The following CAMK1D variants were observed in gnomAD, a reference collection of about 807,000 sequenced individuals.
CAMK1D encodes the protein calcium/calmodulin dependent protein kinase ID, also known as calcium/calmodulin-dependent protein kinase type 1D.
Under a neutral mutation model 47.7 loss-of-function variants are expected in CAMK1D, and 9 were observed. The observed-to-expected ratio is 0.19, with a 90% CI of 0.11 to 0.33. CAMK1D has a LOEUF of 0.33. Among genes scored for constraint, CAMK1D ranks in the 10% least tolerant of loss-of-function variants. CAMK1D has a pLI of 1.00. For missense variants in CAMK1D, 291 were observed against 488.7 expected (o/e 0.60, Z 3.81); for synonymous variants, 184 against 184.9 (o/e 0.99, Z 0.04).
At chr10:12,757,364 A>G (rs949377743) in intron 3 of CAMK1D, among the ~76,000 whole-genome samples, 2 of 152,048 alleles carry the variant, frequency 1.3e-5, no homozygotes, top group African/African-American at 4.8e-5. Context: ...CTTCATTCTG[A>G]TGCTTTGCAT....
intron 2 of CAMK1D, among the ~76,000 whole-genome samples, chr10:12,570,595 G>T (rs1432517771): frequency 6.8e-6 from 1 of 147,868 alleles, no homozygotes; most frequent in Admixed American, 6.8e-5. Context: ...CAGGAGAATC[G>T]CTTGAACCCA....
intron 1 of CAMK1D, among the ~76,000 whole-genome samples, chr10:12,477,342 G>C (rs965418372): frequency 1.3e-5 from 2 of 152,180 alleles, no homozygotes; most frequent in African/African-American, 4.8e-5. Flanking sequence ...TTGAACCTGG[G>C]AGGCGGAGGT....
chr10:12,764,390 A>AAAAAAAAAC (rs1397669196), intron 4 of CAMK1D, among the ~76,000 whole-genome samples: 1 of 151,308 alleles, frequency 6.6e-6, no homozygotes, highest in Non-Finnish European at 1.5e-5. Context: ...TCAAAAAAAA[A>AAAAAAAAAC]AAAAAAAACA....
At chr10:12,715,795 A>G (rs544074229) in intron 3 of CAMK1D, among the ~76,000 whole-genome samples, 32 of 145,946 alleles carry the variant, frequency 2.2e-4, no homozygotes. Context: ...ATCTCGGCTC[A>G]TTGCAGCCTC....
chr10:12,426,474 G>A (rs1057157861), intron 1 of CAMK1D, among the ~76,000 whole-genome samples: 1 of 152,186 alleles, frequency 6.6e-6, no homozygotes, highest in African/African-American at 2.4e-5. Flanking sequence ...TTGAACTCCC[G>A]ACCTCAGCTG....
intron 1 of CAMK1D, among the ~76,000 whole-genome samples, chr10:12,446,843 G>C (rs984541158): frequency 2.6e-5 from 4 of 152,178 alleles, no homozygotes; most frequent in Non-Finnish European, 5.9e-5. Context: ...GATACTGTGT[G>C]CTGTATCTTA....
intron 1 of CAMK1D, among the ~76,000 whole-genome samples, chr10:12,370,470 C>T (rs1464376664): frequency 3.3e-5 from 5 of 152,034 alleles, no homozygotes; most frequent in South Asian, 4.2e-4. Flanking sequence ...ATCCAGAAAG[C>T]GTTGTTATCG....
rs373980809 is a variant in CAMK1D at position 12,781,414 on chromosome 10, G to A, written c.566-9744G>A. ...TGGCACAGTTGACTTCCTCCATCCCGCGGAGTTCCAAGGCCCTCCCACATT... is the reference window on the plus strand; with the variant it reads ...TGGCACAGTTGACTTCCTCCATCCCACGGAGTTCCAAGGCCCTCCCACATT... On this transcript the variant is annotated intron_variant, in intron 5 of 10. Coordinates refer to ENST00000619168, the MANE Select transcript of CAMK1D (RefSeq NM_153498.4). Among the ~76,000 whole-genome samples the A allele has an allele frequency of 3.2e-4, 48 of 152,126 alleles. 1 individual carries two copies. The highest frequency in any genetic ancestry group is 1.1e-3 in the African/African-American group (46 of 41,436).
intron 2 of CAMK1D, among the ~76,000 whole-genome samples, chr10:12,584,937 A>G (rs773747636): frequency 1.2e-4 from 18 of 152,232 alleles, no homozygotes; most frequent in Non-Finnish European, 2.2e-4. Context: ...AACATGCTTT[A>G]CAATTCCTGC....
At position 12,827,526 on chromosome 10, in the gene CAMK1D, CTTTCTTTCTTTCT is replaced by C. The variant is rs1201030456; in HGVS notation, c.1040-1236_1040-1224del. 1.8e-4 allele frequency among the ~76,000 whole-genome samples: 4 copies of C among 21,918 alleles called. 2 individuals carry two copies. The highest frequency in any genetic ancestry group is 6.8e-4 in the African/African-American group (4 of 5,904). 14.4% of individuals were successfully genotyped at this position (21,918 alleles called of 152,430 possible). On this transcript the variant is annotated intron_variant, in intron 10 of 10. Coordinates refer to ENST00000619168, the MANE Select transcript of CAMK1D (RefSeq NM_153498.4). ...TCTTTCTTTCTTTCTTTCTTTCTTT[CTTTCTTTCTTTCT>C]TTTCTTGTCTTTCTTCTCCTCTCCT...
intron 8 of CAMK1D, among the ~76,000 whole-genome samples, chr10:12,817,504 A>C (rs1242228695): frequency 2.0e-5 from 3 of 152,152 alleles, no homozygotes; most frequent in African/African-American, 2.4e-5. Flanking sequence ...CAGCTTCACT[A>C]TCAGCTAGCT....
At chr10:12,752,687 ATCAATTTGTCT>A (rs1376459591) in intron 3 of CAMK1D, among the ~76,000 whole-genome samples, 1 of 152,228 alleles carries the variant, frequency 6.6e-6, no homozygotes, top group East Asian at 1.9e-4. Context: ...TCGGGGTCCT[ATCAATTTGTCT>A]TCACGTTCTG....
chr10:12,788,140 C>A (rs1049898519), intron 5 of CAMK1D, among the ~76,000 whole-genome samples: 9 of 152,198 alleles, frequency 5.9e-5, no homozygotes, highest in Non-Finnish European at 5.9e-5. Flanking sequence ...AAACTTTCCC[C>A]CATAACAACC....
chr10:12,508,567 C>T (rs112324390), intron 1 of CAMK1D, among the ~76,000 whole-genome samples: 2,727 of 152,214 alleles, frequency 0.018, 53 homozygotes, highest in East Asian at 0.044. Context: ...AGGTGGACGG[C>T]GGTGATGGTT....
At chr10:12,573,593 T>G (rs902750081) in intron 2 of CAMK1D, among the ~76,000 whole-genome samples, 3 of 152,122 alleles carry the variant, frequency 2.0e-5, no homozygotes, top group Non-Finnish European at 4.4e-5. Context: ...TTCAGGATGT[T>G]ACTAGCTTTC....
At chr10:12,524,125 A>T (rs926552596) in intron 1 of CAMK1D, among the ~76,000 whole-genome samples, 1 of 150,686 alleles carries the variant, frequency 6.6e-6, no homozygotes, top group East Asian at 2.0e-4. Flanking sequence ...ATCTCCTGAC[A>T]TCGTAATTTT....
chr10:12,603,581 C>A (rs577410774), intron 2 of CAMK1D, among the ~76,000 whole-genome samples: 1 of 152,132 alleles, frequency 6.6e-6, no homozygotes, highest in East Asian at 1.9e-4. Context: ...AGTGGGACCT[C>A]GGGTTGAGAA....
chr10:12,641,602 G>C (rs1453082773), intron 2 of CAMK1D, among the ~76,000 whole-genome samples: 6 of 150,908 alleles, frequency 4.0e-5, no homozygotes, highest in Non-Finnish European at 8.8e-5. Context: ...CTGGGTGGCA[G>C]AGTGAGATCC....
chr10:12,762,624 G>T (rs773161364), intron 4 of CAMK1D, among the ~76,000 whole-genome samples: 1 of 152,168 alleles, frequency 6.6e-6, no homozygotes, highest in Non-Finnish European at 1.5e-5. Context: ...AGGTCTGCCC[G>T]TGATGAGGAT....
Sources: gnomAD v4.1 joint callset for allele counts (sites outside exome capture counted in the v4.1 genomes callset) on GRCh38, gnomAD v4.1.1 for gene constraint, MANE v1.5 for transcripts, NCBI Gene and HGNC (gene_info 2026-07-23, HGNC 2026-07-21) for gene names.